The following ACOT7 variants were observed in gnomAD, a reference collection of about 807,000 sequenced individuals.
ACOT7 encodes cytosolic acyl coenzyme A thioester hydrolase.
A neutral mutation model predicts 40.2 loss-of-function variants in ACOT7; 12 were observed. That is an observed-to-expected ratio of 0.30 (90% CI 0.19 to 0.48). The LOEUF (loss-of-function observed/expected upper bound fraction) is 0.48, where lower values mean the gene tolerates loss of function less well. ACOT7 is among the 20% of genes least tolerant of loss of function. ACOT7 has a pLI of 0.99. For missense variants in ACOT7, 395 were observed against 530.8 expected (o/e 0.74, Z 2.51); for synonymous variants, 228 against 219.5 (o/e 1.04, Z -0.34).
chr1:6,279,735 G>A lies in ACOT7; in HGVS notation c.1014+1367C>T, dbSNP rs933878944. Among the ~76,000 whole-genome samples the A allele has an allele frequency of 5.3e-5, 8 of 152,160 alleles. 1 individual carries two copies. Among genetic ancestry groups the A allele is most frequent in the African/African-American group, 1.9e-4 (8 of 41,454 alleles). ...GAGCTGGCCTGGAGTTGGCAGCGGA[G>A]GGTACTCGCTGGGCCTGACAGCTCA... On this transcript the variant is annotated intron_variant, in intron 8 of 8. Transcript: ENST00000361521.
At chr1:6,385,465 T>C (rs754774498) in intron 1 of ACOT7, 69 of 1,595,624 alleles carry the variant, frequency 4.3e-5, no homozygotes, top group East Asian at 4.3e-4. Flanking sequence ...TGAGACACCA[T>C]GGGCACAAAA....
intron 6 of ACOT7, among the ~76,000 whole-genome samples, chr1:6,307,906 GGGCAGAGGGAACCACAAACA>G (rs948223927): frequency 4.0e-5 from 6 of 149,844 alleles, no homozygotes; most frequent in African/African-American, 4.9e-5. Context: ...AACTACAACT[GGGCAGAGGGAACCACAAACA>G]GGCAGAGGGA....
chr1:6,393,350 C>T lies in ACOT7; in HGVS notation c.50G>A (p.Cys17Tyr), dbSNP rs1191730172. The T allele has an allele frequency of 4.0e-6, 5 of 1,248,984 alleles. No homozygotes were observed. In the African/African-American group the frequency reaches 6.2e-5, roughly 15 times the overall value. 77.4% of individuals were successfully genotyped at this position (1,248,984 alleles called of 1,614,324 possible). ...IHSAPGLPDT[C>Y]ALLQPPAASA... Reference sequence around the variant, plus strand: ...TGCGGCGGGCGGCTGCAGAAGGGCGCAGGTGTCTGGCAGGCCCGGCGCGGA... The same window carrying T: ...TGCGGCGGGCGGCTGCAGAAGGGCGTAGGTGTCTGGCAGGCCCGGCGCGGA... The change falls in exon 1 of 9, where the codon TGC (cysteine) becomes TAC (tyrosine). Residue 17 changes from cysteine (C) to tyrosine (Y), a missense_variant. By Grantham distance (194) the Cys-to-Tyr change is radical. Transcript: ENST00000361521.
chr1:6,357,476 G>A (rs938775332), intron 1 of ACOT7, among the ~76,000 whole-genome samples: 4 of 152,236 alleles, frequency 2.6e-5, no homozygotes, highest in African/African-American at 7.2e-5. Context: ...TCAAGCACCA[G>A]GTGCGTGTGC....
chr1:6,307,784 A>T (rs963860904), intron 6 of ACOT7, among the ~76,000 whole-genome samples: 1 of 152,128 alleles, frequency 6.6e-6, no homozygotes, highest in Non-Finnish European at 1.5e-5. Context: ...AGGGAACCGC[A>T]GCAGGCAGAA....
chr1:6,371,993 C>T (rs1381778252), intron 1 of ACOT7, among the ~76,000 whole-genome samples: 1 of 151,092 alleles, frequency 6.6e-6, no homozygotes, highest in African/African-American at 2.4e-5. Context: ...TGCAGTGAGC[C>T]GAGATTGCAC....
At position 6,282,715 on chromosome 1, in the gene ACOT7, C is replaced by T; in HGVS notation, c.830-1429G>A. On this transcript the variant is annotated intron_variant, in intron 7 of 8. Coordinates refer to ENST00000361521, the MANE Select transcript of ACOT7 (RefSeq NM_007274.4). The surrounding 1 kb of genome is among the most constrained non-coding windows in gnomAD (Gnocchi z 4.5). ...GAACGATCCATGCTACATTCAACTT[C>T]ATACTTACAGGGAGCACTTCGTGCC... 7.7e-7 allele frequency: 1 copy of T among 1,303,724 alleles called. No homozygotes were observed. Among genetic ancestry groups the T allele is most frequent in the Non-Finnish European group, 1.0e-6 (1 of 988,528 alleles). The allele number at this position is 1,303,724 out of a possible 1,614,324, so 80.8% of individuals were successfully genotyped here.
At chr1:6,315,788 G>A (rs991712664) in intron 6 of ACOT7, among the ~76,000 whole-genome samples, 28 of 146,810 alleles carry the variant, frequency 1.9e-4, no homozygotes, top group African/African-American at 7.0e-4. Flanking sequence ...AAGAGAGAAG[G>A]TTAAGCTTGG....
chr1:6,385,839 G>GCCGCCTCCT (rs1472137682), intron 1 of ACOT7: 2 of 1,414,948 alleles, frequency 1.4e-6, no homozygotes, highest in African/African-American at 2.9e-5. Context: ...CCCCCGGCAA[G>GCCGCCTCCT]CCGCCTCCTC....
chr1:6,323,066 T>C (rs1640692088), intron 5 of ACOT7, among the ~76,000 whole-genome samples: 1 of 151,812 alleles, frequency 6.6e-6, no homozygotes, highest in South Asian at 2.1e-4. Context: ...GGAGGCGAAG[T>C]TTGCAGTGAG....
chr1:6,368,162 C>G (rs1210764662), intron 1 of ACOT7, among the ~76,000 whole-genome samples: 2 of 152,148 alleles, frequency 1.3e-5, no homozygotes, highest in African/African-American at 4.8e-5. Flanking sequence ...GCTTCAGGCC[C>G]TCCCCAGTTT....
chr1:6,343,608 G>A (rs1641337126), intron 2 of ACOT7, among the ~76,000 whole-genome samples: 2 of 152,256 alleles, frequency 1.3e-5, no homozygotes, highest in African/African-American at 4.8e-5. Flanking sequence ...TGGCTATGGC[G>A]CCACCCATTG....
At chr1:6,323,351 G>A (rs1427621530) in intron 5 of ACOT7, among the ~76,000 whole-genome samples, 1 of 152,168 alleles carries the variant, frequency 6.6e-6, no homozygotes, top group African/African-American at 2.4e-5. Context: ...GGGCTTGTCA[G>A]TTAGGAATGA....
chr1:6,390,796 C>A (rs1192032273), intron 1 of ACOT7, among the ~76,000 whole-genome samples: 4 of 150,918 alleles, frequency 2.7e-5, no homozygotes, highest in African/African-American at 9.8e-5. Flanking sequence ...ATTAGCCAGA[C>A]ATGATGGCGG....
chr1:6,346,806 G>T (rs1442264639), intron 2 of ACOT7, among the ~76,000 whole-genome samples: 1 of 152,156 alleles, frequency 6.6e-6, no homozygotes, highest in African/African-American at 2.4e-5. Context: ...GTTGTGCTCA[G>T]ATCTGGACTT....
chr1:6,378,049 G>A lies in ACOT7; in HGVS notation c.143+15208C>T, dbSNP rs148967952. Among the ~76,000 whole-genome samples, 638 of 151,542 alleles carry A rather than the reference G, an allele frequency of 4.2e-3. 3 individuals are homozygous for A. Among genetic ancestry groups the A allele is most frequent in the African/African-American group, 0.015 (614 of 41,010 alleles). Reference sequence around the variant, plus strand: ...CGCACCACTGCACTCCAGCCTGGGCGACAGAGCAAGACTCGTCAAAACAAA... The same window carrying A: ...CGCACCACTGCACTCCAGCCTGGGCAACAGAGCAAGACTCGTCAAAACAAA... On this transcript the variant is annotated intron_variant, in intron 1 of 8. Coordinates refer to ENST00000361521, the MANE Select transcript of ACOT7 (RefSeq NM_007274.4).
At chr1:6,383,260 T>G (rs1403366957) in intron 1 of ACOT7, among the ~76,000 whole-genome samples, 1 of 148,924 alleles carries the variant, frequency 6.7e-6, no homozygotes, top group Non-Finnish European at 1.5e-5. Context: ...CAATCTCAGC[T>G]CACTGCAAGC....
chr1:6,306,645 G>A lies in ACOT7; in HGVS notation c.713-11665C>T, dbSNP rs1640164697. 12 of 985,244 alleles carry A rather than the reference G, an allele frequency of 1.2e-5. No homozygotes were observed. The highest frequency in any genetic ancestry group is 1.4e-5 in the Non-Finnish European group (12 of 829,908). The allele number at this position is 985,244 out of a possible 1,614,324, so 61.0% of individuals were successfully genotyped here. ...TGCAGCCTGTGCCACTCAGCTTCAC[G>A]AGGAAGAAAGCGGCGTCCCAAAGCA... On this transcript the variant is annotated intron_variant, in intron 6 of 8. Transcript: ENST00000361521. The surrounding 1 kb of genome is among the most constrained non-coding windows in gnomAD (Gnocchi z 4.3).
At chr1:6,317,275 GTCT>G (rs1441903231) in intron 6 of ACOT7, among the ~76,000 whole-genome samples, 5 of 152,106 alleles carry the variant, frequency 3.3e-5, no homozygotes, top group Admixed American at 3.3e-4. Context: ...GCTTACTTTG[GTCT>G]TCTTCAAAAT....
Sources: gnomAD v4.1 joint callset for allele counts (sites outside exome capture counted in the v4.1 genomes callset) on GRCh38, gnomAD v4.1.1 for gene constraint, Gnocchi (gnomAD v3.1) non-coding constraint, MANE v1.5 for transcripts, NCBI Gene and HGNC (gene_info 2026-07-23, HGNC 2026-07-21) for gene names.